Variants in AFTPH observed in about 807,000 individuals in gnomAD.
The protein encoded by AFTPH is aftiphilin.
In AFTPH, 7 loss-of-function variants were observed where a neutral mutation model predicts 72.5. That is an observed-to-expected ratio of 0.10 (90% CI 0.05 to 0.18). AFTPH has a LOEUF of 0.18. Ranked by LOEUF, AFTPH falls within the 10% of genes least tolerant of loss-of-function variation. The pLI, the probability that AFTPH is intolerant of heterozygous loss-of-function variation, is 1.00. For synonymous variants in AFTPH, 337 were observed against 370.1 expected (o/e 0.91, Z 1.03); for missense variants, 979 against 1,060.5 (o/e 0.92, Z 1.07).
At chr2:64,527,370 CG>C (rs1362329288) in intron 1 of AFTPH, among the ~76,000 whole-genome samples, 2 of 152,100 alleles carry the variant, frequency 1.3e-5, no homozygotes, top group African/African-American at 4.8e-5. Flanking sequence ...CACCTGAGGT[CG>C]GGAGTTCAAA....
intron 1 of AFTPH, among the ~76,000 whole-genome samples, chr2:64,547,786 T>TA (rs1218223958): frequency 3.9e-5 from 6 of 152,122 alleles, no homozygotes; most frequent in Non-Finnish European, 8.8e-5. Flanking sequence ...AATTTTATTT[T>TA]TATTTAATGT....
chr2:64,552,346 C>A, exon 2 of AFTPH: 1 of 1,614,058 alleles, frequency 6.2e-7, no homozygotes, highest in Non-Finnish European at 8.5e-7. Flanking sequence ...AAAGGAGACA[C>A]TGATGGAGAG....
chr2:64,547,507 T>C (rs1488995949), intron 1 of AFTPH, among the ~76,000 whole-genome samples: 1 of 152,228 alleles, frequency 6.6e-6, no homozygotes, highest in Non-Finnish European at 1.5e-5. Context: ...CTTCACACTG[T>C]AAACTTATAC....
rs147556765 is a variant in AFTPH, at chr2:64,587,422, T to A, written c.2579+1877T>A. ...AAATACTGTAAAATGTCCCAACGAG[T>A]GATTCTCAATCGTACAGAGCAGAGA... On this transcript the variant is annotated intron_variant, in intron 8 of 8. Transcript: ENST00000238856. 9.1e-3 allele frequency among the ~76,000 whole-genome samples: 1,386 copies of A among 152,260 alleles called. 17 individuals carry two copies. The highest frequency in any genetic ancestry group is 0.031 in the African/African-American group (1,280 of 41,548).
chr2:64,569,803 A>G (rs916520169), intron 5 of AFTPH, 124 bp downstream of exon 5: 4 of 770,950 alleles, frequency 5.2e-6, no homozygotes, highest in Non-Finnish European at 8.3e-6. Context: ...TGAAGGGTAT[A>G]AATAGATCTT....
intron 1 of AFTPH, among the ~76,000 whole-genome samples, chr2:64,545,410 T>C (rs1174445786): frequency 6.6e-6 from 1 of 150,452 alleles, no homozygotes; most frequent in African/African-American, 2.4e-5. Context: ...TATACTATTA[T>C]TATGTATATA....
At chr2:64,589,907 T>C (rs1482666579) in intron 8 of AFTPH, among the ~76,000 whole-genome samples, 9 of 145,080 alleles carry the variant, frequency 6.2e-5, no homozygotes, top group Non-Finnish European at 1.4e-4. Context: ...TTCCTTAGTG[T>C]AATTCTTTCA....
intron 2 of AFTPH, among the ~76,000 whole-genome samples, chr2:64,554,132 T>TA (rs1671218481): frequency 6.6e-6 from 1 of 152,208 alleles, no homozygotes; most frequent in Non-Finnish European, 1.5e-5. Context: ...ATGTACTTGT[T>TA]AGCTCTTCCT....
chr2:64,533,046 T>G (rs1669711130), intron 1 of AFTPH, among the ~76,000 whole-genome samples: 1 of 152,156 alleles, frequency 6.6e-6, no homozygotes, highest in African/African-American at 2.4e-5. Context: ...AAACTGGGCT[T>G]CCTAACTATC....
chr2:64,546,563 TTGAA>T (rs1334759034), intron 1 of AFTPH, among the ~76,000 whole-genome samples: 2 of 152,276 alleles, frequency 1.3e-5, no homozygotes, highest in East Asian at 3.9e-4. Context: ...ATAAATCTCT[TTGAA>T]TGCTTTTTTT....
intron 1 of AFTPH, among the ~76,000 whole-genome samples, chr2:64,531,074 A>C (rs1256891591): frequency 2.0e-5 from 3 of 151,478 alleles, no homozygotes; most frequent in East Asian, 1.9e-4. Flanking sequence ...AAAAAAAAAA[A>C]AAAAAAACAC....
intron 6 of AFTPH, among the ~76,000 whole-genome samples, chr2:64,573,647 T>C (rs1672585252): frequency 6.6e-6 from 1 of 152,102 alleles, no homozygotes. Context: ...AATCTATGGA[T>C]TAGGAAAATA....
chr2:64,573,760 C>T (rs868238789), intron 6 of AFTPH, among the ~76,000 whole-genome samples: 4 of 152,028 alleles, frequency 2.6e-5, no homozygotes, highest in East Asian at 3.9e-4. Flanking sequence ...TGGGTTCAAG[C>T]GATTCTCCTG....
At chr2:64,553,558 T>G in intron 2 of AFTPH, 149 bp downstream of exon 2, 1 of 880,066 alleles carries the variant, frequency 1.1e-6, no homozygotes, top group Non-Finnish European at 1.6e-6. Flanking sequence ...GTGGGTTGGT[T>G]ACATTTTTCA....
chr2:64,573,446 AAG>A (rs1672569809), intron 6 of AFTPH, among the ~76,000 whole-genome samples: 1 of 151,228 alleles, frequency 6.6e-6, no homozygotes. Flanking sequence ...AAAAAAAAAA[AAG>A]AAAAGAAAAA....
intron 1 of AFTPH, among the ~76,000 whole-genome samples, chr2:64,536,031 C>G (rs996030397): frequency 6.6e-6 from 1 of 152,146 alleles, no homozygotes; most frequent in African/African-American, 2.4e-5. Context: ...GGGTAACACT[C>G]AGATTTCTAG....
intron 7 of AFTPH, among the ~76,000 whole-genome samples, chr2:64,583,253 G>C (rs1033077630): frequency 2.0e-5 from 3 of 150,742 alleles, no homozygotes; most frequent in Admixed American, 6.6e-5. Flanking sequence ...TTAGGAGGTT[G>C]GCATAGAACT....
chr2:64,581,262 C>T (rs1412782321), intron 7 of AFTPH: 37 of 1,595,396 alleles, frequency 2.3e-5, no homozygotes, highest in Non-Finnish European at 2.9e-5. Context: ...AGCAGCAGCA[C>T]CACAATCCCA....
intron 1 of AFTPH, 125 bp from the exon 2 acceptor site, chr2:64,551,318 G>A (rs1218332856): frequency 6.7e-6 from 5 of 746,384 alleles, no homozygotes; most frequent in East Asian, 2.8e-5. Flanking sequence ...CATGGTCAAG[G>A]AAAAAAGGAG....
Sources: gnomAD v4.1 joint callset for allele counts (sites outside exome capture counted in the v4.1 genomes callset) on GRCh38, gnomAD v4.1.1 for gene constraint, MANE v1.5 for transcripts, NCBI Gene and HGNC (gene_info 2026-07-23, HGNC 2026-07-21) for gene names.